MAGI1: variants seen among roughly 807,000 people sequenced by gnomAD.
MAGI1 encodes membrane-associated guanylate kinase, WW and PDZ domain-containing protein 1.
Under a neutral mutation model 139.9 loss-of-function variants are expected in MAGI1, and 58 were observed. The ratio of observed to expected loss-of-function variants is 0.41; its 90% CI spans 0.34 to 0.52. MAGI1 has a LOEUF of 0.52. MAGI1 is among the 20% of genes least tolerant of loss of function. The pLI is 0.12. For synonymous variants in MAGI1, 812 were observed against 737.9 expected (o/e 1.10, Z -1.63); for missense variants, 1,874 against 1,901.6 (o/e 0.99, Z 0.27).
chr3:65,721,825 T>G (rs893841432), intron 1 of MAGI1, among the ~76,000 whole-genome samples: 1 of 146,228 alleles, frequency 6.8e-6, no homozygotes, highest in Non-Finnish European at 1.5e-5. Flanking sequence ...TTTGTATGTT[T>G]TGTTTTGTTT....
chr3:65,399,697 T>C (rs1219106291), intron 13 of MAGI1, among the ~76,000 whole-genome samples: 1 of 152,206 alleles, frequency 6.6e-6, no homozygotes, highest in Non-Finnish European at 1.5e-5. Context: ...TGATATGGCT[T>C]CTGCAAAAAT....
At chr3:65,459,880 ACAC>A (rs1489597828) in intron 5 of MAGI1, among the ~76,000 whole-genome samples, 1 of 152,106 alleles carries the variant, frequency 6.6e-6, no homozygotes, top group Non-Finnish European at 1.5e-5. Flanking sequence ...AGCTGCGTTA[ACAC>A]CACTGCACTC....
intron 1 of MAGI1, among the ~76,000 whole-genome samples, chr3:65,810,166 A>G (rs1041382677): frequency 6.6e-6 from 1 of 152,244 alleles, no homozygotes; most frequent in African/African-American, 2.4e-5. Flanking sequence ...ATATTAGGTA[A>G]AGCCATTTTA....
chr3:65,449,304 G>GT (rs1329820555), intron 6 of MAGI1, among the ~76,000 whole-genome samples: 1 of 152,160 alleles, frequency 6.6e-6, no homozygotes, highest in Non-Finnish European at 1.5e-5. Context: ...ACTGCCAGCG[G>GT]TAAGTTTTGA....
rs767598706 is a variant in MAGI1 at position 65,400,750 on chromosome 3, ATTTTTTTTT to A, written c.2199+680_2199+688del. Among the ~76,000 whole-genome samples, 233 of 60,580 alleles carry A rather than the reference ATTTTTTTTT, an allele frequency of 3.8e-3. 1 individual carries two copies. Among genetic ancestry groups the A allele is most frequent in the African/African-American group, 0.013 (199 of 14,886 alleles). 39.7% of individuals were successfully genotyped at this position (60,580 alleles called of 152,430 possible). A position where few individuals can be genotyped will look rare whatever the true frequency, so the allele number is the denominator to read the frequency against. On this transcript the variant is annotated intron_variant, in intron 13 of 22. Coordinates refer to ENST00000402939, the MANE Select transcript of MAGI1 (RefSeq NM_001033057.2). ...GATTGGAAAGGACAGCAAAACATTG[ATTTTTTTTT>A]TTTTTTTTTTTTTTTTTTTTTTTTT...
At chr3:65,774,154 T>C (rs1017372399) in intron 1 of MAGI1, among the ~76,000 whole-genome samples, 4 of 151,820 alleles carry the variant, frequency 2.6e-5, no homozygotes, top group Non-Finnish European at 2.9e-5. Context: ...TGTTCTAACA[T>C]TGGGTGAAAC....
At chr3:65,687,939 G>T in intron 1 of MAGI1, 3 of 705,070 alleles carry the variant, frequency 4.3e-6, no homozygotes, top group South Asian at 2.7e-5. Context: ...CTGGTTCAAG[G>T]AAAATGGCTC....
chr3:65,360,334 C>A lies in MAGI1; in HGVS notation c.3634+865G>T. On this transcript the variant is annotated intron_variant, in intron 22 of 22. Coordinates refer to ENST00000402939, the MANE Select transcript of MAGI1 (RefSeq NM_001033057.2). Reference sequence around the variant, plus strand: ...TTGGTTGGGAAAAAAAGCCCTACATCTAGGGCATAGCTTCTTCTTTTTTTT... The same window carrying A: ...TTGGTTGGGAAAAAAAGCCCTACATATAGGGCATAGCTTCTTCTTTTTTTT... The A allele has an allele frequency of 3.1e-6, 3 of 977,406 alleles. No individual in the cohort carries two copies. The South Asian group carries it at 1.4e-4, about 46-fold the overall frequency. 60.5% of individuals were successfully genotyped at this position (977,406 alleles called of 1,614,324 possible). A position where few individuals can be genotyped will look rare whatever the true frequency, so the allele number is the denominator to read the frequency against.
intron 1 of MAGI1, among the ~76,000 whole-genome samples, chr3:65,756,246 A>T (rs2036554713): frequency 6.6e-6 from 1 of 152,196 alleles, no homozygotes; most frequent in East Asian, 1.9e-4. Flanking sequence ...AAACTCTTCT[A>T]AAGATGGCCA....
chr3:65,372,494 C>G (rs1300123100), intron 18 of MAGI1, among the ~76,000 whole-genome samples: 1 of 152,138 alleles, frequency 6.6e-6, no homozygotes, highest in Non-Finnish European at 1.5e-5. Context: ...TCAGAATAGC[C>G]AGATGAGCAC....
chr3:65,705,188 G>C (rs964248732), intron 1 of MAGI1, among the ~76,000 whole-genome samples: 2 of 152,016 alleles, frequency 1.3e-5, no homozygotes, highest in African/African-American at 4.8e-5. Context: ...AAATTTCTAA[G>C]CTTACATTTG....
rs1553702154 is a variant in MAGI1, at chr3:65,754,969, T to TTG, written c.314-132882_314-132881insCA. Among the ~76,000 whole-genome samples the TTG allele has an allele frequency of 3.9e-4, 59 of 151,614 alleles. No individual in the cohort carries two copies. In the Middle Eastern group the frequency reaches 0.014, roughly 35 times the overall value. ...TTATTATTTTTTAAATTTTTTTTTT[T>TTG]TTGAGATGGAATCTCACTCTGTCAC... On this transcript the variant is annotated intron_variant, in intron 1 of 22. Coordinates refer to ENST00000402939, the MANE Select transcript of MAGI1 (RefSeq NM_001033057.2).
chr3:65,722,690 GA>G (rs1352371899), intron 1 of MAGI1, among the ~76,000 whole-genome samples: 5 of 150,042 alleles, frequency 3.3e-5, no homozygotes, highest in Admixed American at 1.3e-4. Flanking sequence ...TAAACTCTGT[GA>G]TAACAAAGAC....
chr3:65,454,263 C>T (rs1217621502), intron 5 of MAGI1, among the ~76,000 whole-genome samples: 1 of 151,980 alleles, frequency 6.6e-6, no homozygotes, highest in Admixed American at 6.6e-5. Flanking sequence ...TCATCATTCT[C>T]AGTAAACTAT....
chr3:65,799,963 C>T (rs1304771499), intron 1 of MAGI1, among the ~76,000 whole-genome samples: 1 of 152,114 alleles, frequency 6.6e-6, no homozygotes, highest in Non-Finnish European at 1.5e-5. Flanking sequence ...AAATAATGTA[C>T]CATTTTAAAA....
chr3:66,012,534 G>A (rs553830503), intron 1 of MAGI1, among the ~76,000 whole-genome samples: 1 of 152,274 alleles, frequency 6.6e-6, no homozygotes, highest in African/African-American at 2.4e-5. Context: ...GGGAGCCTGA[G>A]GCGAGTGGAT....
chr3:65,879,180 C>A (rs182082350), intron 1 of MAGI1, among the ~76,000 whole-genome samples: 2 of 152,020 alleles, frequency 1.3e-5, no homozygotes, highest in African/African-American at 4.8e-5. Context: ...CAGACTCGGC[C>A]GAAAATTTCT....
intron 1 of MAGI1, among the ~76,000 whole-genome samples, chr3:65,771,798 A>G (rs1243165394): frequency 1.3e-4 from 20 of 152,194 alleles, no homozygotes; most frequent in Admixed American, 1.2e-3. Flanking sequence ...TGCTGTATGG[A>G]GCATGCTATG....
At chr3:65,599,842 C>T (rs573486761) in intron 2 of MAGI1, among the ~76,000 whole-genome samples, 6 of 152,098 alleles carry the variant, frequency 3.9e-5, no homozygotes, top group South Asian at 2.1e-4. Context: ...CAGAAAAAAG[C>T]GAGTAAGATG....
Sources: allele counts gnomAD v4.1 joint callset (sites outside exome capture counted in the v4.1 genomes callset), GRCh38; gene constraint gnomAD v4.1.1; transcripts MANE v1.5; gene names NCBI Gene and HGNC (gene_info 2026-07-23, HGNC 2026-07-21).